The following SKIC3 variants were observed in gnomAD, a reference collection of about 807,000 sequenced individuals.
SKIC3 encodes the protein SKI3 subunit of superkiller complex.
the SKIC3 span, among the ~76,000 whole-genome samples, chr5:95,466,117 A>G: frequency 6.6e-6 from 1 of 152,150 alleles, no homozygotes; most frequent in African/African-American, 2.4e-5. Flanking sequence ...AGTGATTTTC[A>G]TTGTGTTTTT....
At chr5:95,512,715 T>C in the SKIC3 span, 13 of 1,391,268 alleles carry the variant, frequency 9.3e-6, no homozygotes, top group Non-Finnish European at 1.3e-5. Flanking sequence ...ACAATAAATA[T>C]CACATCTCAG....
chr5:95,486,111 G>A, the SKIC3 span, among the ~76,000 whole-genome samples: 11 of 152,140 alleles, frequency 7.2e-5, no homozygotes, highest in African/African-American at 2.2e-4. Flanking sequence ...GGGAGCTCAC[G>A]CTGAGTCCCA....
chr5:95,531,550 T>C, the SKIC3 span, among the ~76,000 whole-genome samples: 31 of 152,190 alleles, frequency 2.0e-4, no homozygotes, highest in Non-Finnish European at 3.5e-4. Context: ...TTTTTCCCTT[T>C]TGATCCAGTG....
chr5:95,471,468 A>G, the SKIC3 span, among the ~76,000 whole-genome samples: 2 of 152,178 alleles, frequency 1.3e-5, no homozygotes, highest in Non-Finnish European at 2.9e-5. Context: ...GATGTAAATT[A>G]CATTAGGCCC....
the SKIC3 span, chr5:95,478,358 G>A: frequency 1.8e-5 from 29 of 1,613,820 alleles, no homozygotes; most frequent in Middle Eastern, 1.6e-4. Context: ...CAACTGCCCC[G>A]TTGGGATGCC....
At chr5:95,540,859 T>C in the SKIC3 span, 1 of 1,611,718 alleles carries the variant, frequency 6.2e-7, no homozygotes, top group Non-Finnish European at 8.5e-7. Flanking sequence ...TTAAATTATT[T>C]TGTCCAAAAT....
chr5:95,531,361 G>C, the SKIC3 span, among the ~76,000 whole-genome samples: 3 of 152,080 alleles, frequency 2.0e-5, no homozygotes, highest in Non-Finnish European at 2.9e-5. Flanking sequence ...AAAACAAATT[G>C]GAAGAAATAC....
At chr5:95,486,293 T>C in the SKIC3 span, among the ~76,000 whole-genome samples, 2 of 152,168 alleles carry the variant, frequency 1.3e-5, no homozygotes, top group South Asian at 2.1e-4. Flanking sequence ...TGAGAGCCAC[T>C]GTCAACCACC....
At chr5:95,478,370 A>G in the SKIC3 span, 3 of 1,614,002 alleles carry the variant, frequency 1.9e-6, no homozygotes, top group South Asian at 3.3e-5. Context: ...TGGGATGCCA[A>G]TTGTAGACTC....
the SKIC3 span, chr5:95,536,900 T>C: frequency 6.2e-7 from 1 of 1,613,726 alleles, no homozygotes. Context: ...ACAGGCCTTC[T>C]TCAATCTAGC....
the SKIC3 span, among the ~76,000 whole-genome samples, chr5:95,485,422 T>C: frequency 6.6e-6 from 1 of 152,358 alleles, no homozygotes; most frequent in African/African-American, 2.4e-5. Context: ...TCACAGGTGC[T>C]AATATGGCAA....
At chr5:95,551,686 T>C in the SKIC3 span, among the ~76,000 whole-genome samples, 1 of 152,202 alleles carries the variant, frequency 6.6e-6, no homozygotes, top group Non-Finnish European at 1.5e-5. Context: ...TGTCAGCCCC[T>C]TTACTCTGTC....
chr5:95,545,481 A>G, the SKIC3 span, among the ~76,000 whole-genome samples: 1 of 152,082 alleles, frequency 6.6e-6, no homozygotes, highest in Non-Finnish European at 1.5e-5. Flanking sequence ...GGAACTCCCA[A>G]TCTGGGTCAG....
chr5:95,467,782 T>C, the SKIC3 span: 1 of 1,556,926 alleles, frequency 6.4e-7, no homozygotes, highest in Non-Finnish European at 8.7e-7. Context: ...CTTTGAACAA[T>C]AACTCTAAAA....
chr5:95,507,020 A>C, the SKIC3 span: 345 of 1,611,376 alleles, frequency 2.1e-4, 3 homozygotes, highest in Middle Eastern at 8.3e-4. Context: ...CCCTTAAAAA[A>C]AAAAAGGTAT....
the SKIC3 span, chr5:95,522,442 C>T: frequency 9.6e-7 from 1 of 1,036,394 alleles, no homozygotes; most frequent in East Asian, 2.7e-5. Flanking sequence ...CTATTTAAAG[C>T]AGATAAATTT....
chr5:95,553,567 G>GT, the SKIC3 span, among the ~76,000 whole-genome samples: 92 of 148,490 alleles, frequency 6.2e-4, no homozygotes, highest in Middle Eastern at 3.5e-3. Flanking sequence ...TTTTGTTTTT[G>GT]TTTTTTTTTT....
chr5:95,535,785 T>C, the SKIC3 span, among the ~76,000 whole-genome samples: 1,368 of 152,246 alleles, frequency 9.0e-3, 19 homozygotes, highest in African/African-American at 0.03. Flanking sequence ...CTATGACACA[T>C]GTGAGGGTCA....
chr5:95,490,549 G>C, the SKIC3 span, among the ~76,000 whole-genome samples: 2 of 148,818 alleles, frequency 1.3e-5, no homozygotes, highest in Non-Finnish European at 3.0e-5. Flanking sequence ...CCAGGCTGGA[G>C]AGCGGTGGCG....
Sources: gnomAD v4.1 joint callset for allele counts (sites outside exome capture counted in the v4.1 genomes callset) on GRCh38, gnomAD v4.1.1 for gene constraint, MANE v1.5 for transcripts, NCBI Gene and HGNC (gene_info 2026-07-23, HGNC 2026-07-21) for gene names.